The following LRP8 variants were observed in gnomAD, a reference collection of about 807,000 sequenced individuals.
The protein encoded by LRP8 is low-density lipoprotein receptor-related protein 8.
Under a neutral mutation model 111.6 loss-of-function variants are expected in LRP8, and 46 were observed. The ratio of observed to expected loss-of-function variants is 0.41; its 90% CI spans 0.33 to 0.53. LRP8 has a LOEUF of 0.53. Ranked by LOEUF, LRP8 falls within the 20% of genes least tolerant of loss-of-function variation. The probability of loss-of-function intolerance (pLI) is 0.20; values close to 1 mark genes in which losing one functional copy is unlikely to be tolerated. For missense variants in LRP8, 959 were observed against 1,297.4 expected (o/e 0.74, Z 4.01); for synonymous variants, 464 against 511.2 (o/e 0.91, Z 1.24).
At chr1:53,261,758 C>T (rs999603624) in intron 12 of LRP8, among the ~76,000 whole-genome samples, 1 of 152,298 alleles carries the variant, frequency 6.6e-6, no homozygotes, top group Non-Finnish European at 1.5e-5. Flanking sequence ...TTACTGGGTG[C>T]CTTTTGTATA....
At position 53,303,852 on chromosome 1, in the gene LRP8, T is replaced by C. The variant is rs1651446456; in HGVS notation, c.245-14163A>G. 1.3e-5 allele frequency among the ~76,000 whole-genome samples: 2 copies of C among 152,234 alleles called. No individual in the cohort carries two copies. Among genetic ancestry groups the C allele is most frequent in the Non-Finnish European group, 1.5e-5 (1 of 68,040 alleles). ...CGACAGGGGACTCAGTCAGCCGTGC[T>C]GGCTGGAGGCTGAACACGTTCCTTC... On this transcript the variant is annotated intron_variant, in intron 2 of 18. Coordinates refer to ENST00000306052, the MANE Select transcript of LRP8 (RefSeq NM_004631.5). This position sits in a 1 kb window ranked among gnomAD's most constrained non-coding sequence, Gnocchi z 4.3.
rs1645859705 is a variant in LRP8, at chr1:53,250,502, A to AGAGGAAGGGAAGGAGGGAGGT, written c.2676+187_2676+188insACCTCCCTCCTTCCCTTCCTC. On this transcript the variant is annotated intron_variant, in intron 17 of 18. Transcript: ENST00000306052. This position sits in a 1 kb window ranked among gnomAD's most constrained non-coding sequence, Gnocchi z 4.6. ...AGAAGGAGGAAGGGAAGGAGGGAGG[A>AGAGGAAGGGAAGGAGGGAGGT]AAGGAAGGAAAGAAGGAAAGAAAAA... Among the ~76,000 whole-genome samples, 1 of 151,192 alleles carries AGAGGAAGGGAAGGAGGGAGGT rather than the reference A, an allele frequency of 6.6e-6. No homozygotes were observed. The highest frequency in any genetic ancestry group is 1.5e-5 in the Non-Finnish European group (1 of 67,832).
chr1:53,316,261 G>A (rs895837790), intron 2 of LRP8, among the ~76,000 whole-genome samples: 3 of 152,134 alleles, frequency 2.0e-5, no homozygotes, highest in Non-Finnish European at 2.9e-5. Context: ...GAGAGGCCAC[G>A]CTGGCCTGAT....
chr1:53,311,108 C>T (rs1217336466), intron 2 of LRP8, among the ~76,000 whole-genome samples: 1 of 152,162 alleles, frequency 6.6e-6, no homozygotes, highest in Admixed American at 6.5e-5. Flanking sequence ...CTGCTCTGAG[C>T]TGCCATGCCC....
At chr1:53,272,587 G>A in intron 6 of LRP8, 4 of 1,290,604 alleles carry the variant, frequency 3.1e-6, no homozygotes, top group Non-Finnish European at 4.0e-6. Flanking sequence ...GCCATGCTTA[G>A]GGAATAACCC....
rs982269012 is a variant in LRP8 at position 53,245,654 on chromosome 1, A to G, written c.*1364T>C. The G allele has an allele frequency of 2.6e-5, 4 of 152,604 alleles. No individual in the cohort carries two copies. Among genetic ancestry groups the G allele is most frequent in the Non-Finnish European group, 5.9e-5 (4 of 68,028 alleles). The allele number at this position is 152,604 out of a possible 1,614,324, so 9.5% of individuals were successfully genotyped here. Reference sequence around the variant, plus strand: ...TATGCCATTTCCCCCCTCAAATATGACTTCAATTTTGGCCAGTTGTTCTGA... The same window carrying G: ...TATGCCATTTCCCCCCTCAAATATGGCTTCAATTTTGGCCAGTTGTTCTGA... On this transcript the variant is annotated 3_prime_UTR_variant, in exon 19 of 19. Coordinates refer to ENST00000306052, the MANE Select transcript of LRP8 (RefSeq NM_004631.5).
rs138398028 is a variant in LRP8, at chr1:53,256,883, C to A, written c.2434+357G>T. ...ACTTTGTGAAACATAGACACACACA[C>A]CCTCGCAGAGTCAGCAACGGCTGTG... On this transcript the variant is annotated intron_variant, in intron 15 of 18. Coordinates refer to ENST00000306052, the MANE Select transcript of LRP8 (RefSeq NM_004631.5). 2.6e-5 allele frequency among the ~76,000 whole-genome samples: 4 copies of A among 152,348 alleles called. No homozygotes were observed. The East Asian group carries it at 7.7e-4, about 29-fold the overall frequency.
rs549775693 is a variant in LRP8 at position 53,303,789 on chromosome 1, G to A, written c.245-14100C>T. On this transcript the variant is annotated intron_variant, in intron 2 of 18. Coordinates refer to ENST00000306052, the MANE Select transcript of LRP8 (RefSeq NM_004631.5). The surrounding 1 kb of genome is among the most constrained non-coding windows in gnomAD (Gnocchi z 4.3). ...AGTGCTGGAATCCTCTGTTCCCACC[G>A]CTGACATATGGCCATTCGCCCTCTT... Among the ~76,000 whole-genome samples, 4 of 152,288 alleles carry A rather than the reference G, an allele frequency of 2.6e-5. No homozygotes were observed. Among genetic ancestry groups the A allele is most frequent in the East Asian group, 1.9e-4 (1 of 5,182 alleles).
In LRP8 at chr1:53,249,775, T is replaced by G. The variant is rs1645838185; in HGVS notation, c.2677-219A>C. On this transcript the variant is annotated intron_variant, in intron 17 of 18. Coordinates refer to ENST00000306052, the MANE Select transcript of LRP8 (RefSeq NM_004631.5). The surrounding 1 kb of genome is among the most constrained non-coding windows in gnomAD (Gnocchi z 4.1). Reference sequence around the variant, plus strand: ...TGCTATTAATCTTTCAAGGACATAGTCCATCTGTCACCTTCTCTGTGAGGC... The same window carrying G: ...TGCTATTAATCTTTCAAGGACATAGGCCATCTGTCACCTTCTCTGTGAGGC... 6.6e-6 allele frequency among the ~76,000 whole-genome samples: 1 copy of G among 152,262 alleles called. No homozygotes were observed. The highest frequency in any genetic ancestry group is 2.1e-4 in the South Asian group (1 of 4,836).
intron 3 of LRP8, among the ~76,000 whole-genome samples, chr1:53,285,525 C>T (rs1003851198): frequency 3.3e-5 from 5 of 152,184 alleles, no homozygotes; most frequent in African/African-American, 1.2e-4. Flanking sequence ...TGGCTCCCCT[C>T]ATCTGAAAAT....
chr1:53,308,859 C>T (rs533755952), intron 2 of LRP8, among the ~76,000 whole-genome samples: 3 of 152,300 alleles, frequency 2.0e-5, no homozygotes, highest in African/African-American at 4.8e-5. Context: ...GCAAGAGACC[C>T]GCTTTTAAAT....
intron 2 of LRP8, among the ~76,000 whole-genome samples, chr1:53,307,850 CG>C (rs1446478160): frequency 6.6e-6 from 1 of 152,230 alleles, no homozygotes; most frequent in South Asian, 2.1e-4. Context: ...GAGGCCAAGG[CG>C]GGAAGCAGGA....
intron 12 of LRP8, among the ~76,000 whole-genome samples, chr1:53,261,724 A>T (rs902217427): frequency 3.3e-5 from 5 of 152,198 alleles, no homozygotes; most frequent in African/African-American, 4.8e-5. Context: ...AAGGATATGT[A>T]TGTTCCTTCT....
Position 53,326,873 on chromosome 1 carries a change from G to C in LRP8, c.244C>G (p.Pro82Ala). The stretch of plus-strand genomic sequence containing the variant: ...CTGAGCTCCCTGGCCCGCCACTCAC[G>C]GCAGTCGTCCTCGTCGCTGTGGTCT... ...CLDHSDEDDC[P>A]KKTCADSDFT... Residue 82 changes from proline (P) to alanine (A), a missense_variant and splice_region_variant, in exon 2 of 19, where the codon CCC (proline) becomes GCC (alanine). By Grantham distance (27) the Pro-to-Ala change is conservative. Around this residue, in one of 3 missense-constraint regions of LRP8, gnomAD observed 97 missense variants for 107.5 expected, o/e 0.90. Coordinates refer to ENST00000306052, the MANE Select transcript of LRP8 (RefSeq NM_004631.5). 1 of 1,612,370 alleles carries C rather than the reference G, an allele frequency of 6.2e-7. No homozygotes were observed. Among genetic ancestry groups the C allele is most frequent in the Non-Finnish European group, 8.5e-7 (1 of 1,179,424 alleles).
chr1:53,260,437 TG>T (rs768181841), intron 13 of LRP8, 26 bp downstream of exon 13: 2 of 1,611,898 alleles, frequency 1.2e-6, no homozygotes. Context: ...TCAGGGGACC[TG>T]GGACCTAGGA....
intron 2 of LRP8, among the ~76,000 whole-genome samples, chr1:53,297,401 G>A (rs57146617): frequency 0.016 from 2,469 of 152,326 alleles, 68 homozygotes; most frequent in African/African-American, 0.056. Context: ...GAAGGCGAAC[G>A]GTTCCCACAG....
At chr1:53,327,745 G>T in intron 1 of LRP8, 44 bp downstream of exon 1, 2 of 1,437,544 alleles carry the variant, frequency 1.4e-6, no homozygotes, top group African/African-American at 2.9e-5. Context: ...CTTTGTTGGT[G>T]GCTAGGGCGG....
chr1:53,271,095 G>C lies in LRP8; in HGVS notation c.1185C>G (p.Gly395=), dbSNP rs200728498. ...ACSQICVNYK[G]YFKCECYPGY... Reference sequence around the variant, plus strand: ...CAGGGTAGCACTCACACTTAAAATAGCCCTTGTAATTGACACAGATCTGGC... The same window carrying C: ...CAGGGTAGCACTCACACTTAAAATACCCCTTGTAATTGACACAGATCTGGC... The change falls in exon 8 of 19, where the codon GGC becomes GGG. Residue 395 remains glycine, a synonymous_variant. Transcript: ENST00000306052. 6.2e-7 allele frequency: 1 copy of C among 1,613,974 alleles called. No individual in the cohort carries two copies. The highest frequency in any genetic ancestry group is 1.3e-5 in the African/African-American group (1 of 74,948).
At position 53,294,714 on chromosome 1, in the gene LRP8, G is replaced by A. The variant is rs1649372112; in HGVS notation, c.245-5025C>T. 6.6e-6 allele frequency among the ~76,000 whole-genome samples: 1 copy of A among 152,162 alleles called. No individual in the cohort carries two copies. Among genetic ancestry groups the A allele is most frequent in the Non-Finnish European group, 1.5e-5 (1 of 68,020 alleles). ...CTCCTCATCAGGAAATGGAGGTGTG[G>A]CGCTGACTAAGTCTTAAGGCCCTCT... On this transcript the variant is annotated intron_variant, in intron 2 of 18. Coordinates refer to ENST00000306052, the MANE Select transcript of LRP8 (RefSeq NM_004631.5). The surrounding 1 kb of genome is among the most constrained non-coding windows in gnomAD (Gnocchi z 4.1).
Sources: gnomAD v4.1 joint callset for allele counts (sites outside exome capture counted in the v4.1 genomes callset) on GRCh38, gnomAD v4.1.1 for gene constraint, gnomAD v4.1.1 regional missense constraint, Gnocchi (gnomAD v3.1) non-coding constraint, MANE v1.5 for transcripts, NCBI Gene and HGNC (gene_info 2026-07-23, HGNC 2026-07-21) for gene names.